The following AMPD3 variants were observed in gnomAD, a reference collection of about 807,000 sequenced individuals.
AMPD3 encodes adenosine monophosphate deaminase 3.
AMPD3 carries 57 observed loss-of-function variants against 82.3 expected under a neutral mutation model. That is an observed-to-expected ratio of 0.69 (90% confidence interval 0.56 to 0.86). The LOEUF is 0.86. Ranked by LOEUF, AMPD3 falls within the 40% of genes least tolerant of loss-of-function variation. AMPD3 has a pLI of 0.00. For missense variants in AMPD3, 870 were observed against 1,003.8 expected (o/e 0.87, Z 1.80); for synonymous variants, 381 against 394.7 (o/e 0.97, Z 0.41).
At chr11:10,464,367 T>C (rs897256449) in intron 2 of AMPD3, among the ~76,000 whole-genome samples, 1 of 152,180 alleles carries the variant, frequency 6.6e-6, no homozygotes, top group Non-Finnish European at 1.5e-5. Context: ...AGAAGTTGAA[T>C]TTACTTTCAC....
intron 2 of AMPD3, among the ~76,000 whole-genome samples, chr11:10,462,235 C>A (rs1208766760): frequency 6.6e-6 from 1 of 152,076 alleles, no homozygotes; most frequent in East Asian, 1.9e-4. Context: ...CAGTCAGGGT[C>A]CAACTAGAAG....
intron 2 of AMPD3, among the ~76,000 whole-genome samples, chr11:10,463,108 A>G (rs897588374): frequency 2.0e-5 from 3 of 152,166 alleles, no homozygotes; most frequent in Admixed American, 6.6e-5. Flanking sequence ...GCAAACATCA[A>G]TAGTTGACAT....
At chr11:10,502,108 G>A in intron 12 of AMPD3, 1 of 985,416 alleles carries the variant, frequency 1.0e-6, no homozygotes, top group South Asian at 4.7e-5. Flanking sequence ...CTTGAGCTCT[G>A]TGCATACAGT....
chr11:10,451,165 G>A (rs1847953118), upstream of AMPD3: 8 of 1,494,154 alleles, frequency 5.4e-6, no homozygotes, highest in Admixed American at 1.7e-4. Context: ...GCTCGCAGAG[G>A]CGGTGGCGCT....
At chr11:10,498,844 T>C (rs763543968) in intron 10 of AMPD3, among the ~76,000 whole-genome samples, 3 of 152,154 alleles carry the variant, frequency 2.0e-5, no homozygotes, top group Middle Eastern at 3.2e-3. Context: ...CGTGGCCTGG[T>C]AGCAAGCCTC....
chr11:10,461,854 G>T, intron 2 of AMPD3, 114 bp downstream of exon 2: 1 of 1,035,828 alleles, frequency 9.7e-7, no homozygotes. Flanking sequence ...CCCTAGAGCT[G>T]TGTTGGTTCC....
chr11:10,495,661 T>C lies in AMPD3; in HGVS notation c.1358T>C (p.Leu453Pro), dbSNP rs1366919341. ...YGRSPEEWPN[L>P]AYWFIQHKVY... ...CGCAGTCCTGAGGAGTGGCCCAACC[T>C]GGCCTACTGGTTCATCCAGCACAAG... Residue 453 changes from leucine (L) to proline (P), a missense_variant, in exon 9 of 15, where the codon CTG (leucine) becomes CCG (proline). By Grantham distance (98) the Leu-to-Pro change is moderately conservative. Coordinates refer to ENST00000396553, the MANE Select transcript of AMPD3 (RefSeq NM_001025389.2). 1 of 1,613,984 alleles carries C rather than the reference T, an allele frequency of 6.2e-7. No individual in the cohort carries two copies. The highest frequency in any genetic ancestry group is 8.5e-7 in the Non-Finnish European group (1 of 1,180,024).
At chr11:10,472,729 C>T (rs981910225) in intron 2 of AMPD3, among the ~76,000 whole-genome samples, 1 of 152,090 alleles carries the variant, frequency 6.6e-6, no homozygotes, top group Non-Finnish European at 1.5e-5. Context: ...TTGGGCTGGG[C>T]GCGGTGGCTC....
At position 10,456,401 on chromosome 11, in the gene AMPD3, A is replaced by G; in HGVS notation, c.-6+953A>G. On this transcript the variant is annotated intron_variant, in intron 1 of 14. Coordinates refer to ENST00000396553, the MANE Select transcript of AMPD3 (RefSeq NM_001025389.2). This position sits in a 1 kb window ranked among gnomAD's most constrained non-coding sequence, Gnocchi z 4.3. ...CAGGACCAGTCATGGAGCCAGGCTC[A>G]GGTCTGTGTCGGGGCTTCTGCAAGG... 1 of 1,613,780 alleles carries G rather than the reference A, an allele frequency of 6.2e-7. No individual in the cohort carries two copies. Among genetic ancestry groups the G allele is most frequent in the Non-Finnish European group, 8.5e-7 (1 of 1,179,696 alleles).
chr11:10,468,174 C>A (rs540103511), intron 2 of AMPD3, among the ~76,000 whole-genome samples: 27 of 152,148 alleles, frequency 1.8e-4, no homozygotes, highest in Non-Finnish European at 2.9e-4. Context: ...ACAATATTAG[C>A]CTTAAATGTA....
At chr11:10,490,333 T>C (rs1849205035) in intron 6 of AMPD3, 1 of 211,732 alleles carries the variant, frequency 4.7e-6, no homozygotes, top group African/African-American at 2.4e-5. Flanking sequence ...GGTTTAAGTG[T>C]CATATTAAGA....
chr11:10,490,626 G>A, intron 6 of AMPD3: 1 of 985,410 alleles, frequency 1.0e-6, no homozygotes, highest in African/African-American at 1.7e-5. Flanking sequence ...GAGTTCTGAA[G>A]TTTGGATGGG....
At chr11:10,498,756 G>A (rs573250032) in intron 10 of AMPD3, among the ~76,000 whole-genome samples, 2 of 152,348 alleles carry the variant, frequency 1.3e-5, no homozygotes, top group Admixed American at 1.3e-4. Context: ...GAGCCCTCCA[G>A]TTTGGGCCAG....
In AMPD3 at chr11:10,501,502, CG is replaced by C; in HGVS notation, c.1755del (p.His586ThrfsTer63). 1 of 1,614,134 alleles carries C rather than the reference CG, an allele frequency of 6.2e-7. No individual in the cohort carries two copies. Among genetic ancestry groups the C allele is most frequent in the African/African-American group, 1.3e-5 (1 of 75,034 alleles). On this transcript the variant is annotated frameshift_variant, in exon 12 of 15. Coordinates refer to ENST00000396553, the MANE Select transcript of AMPD3 (RefSeq NM_001025389.2). LOFTEE classifies it high-confidence loss of function. ...ERGLSTFLFR[P>X]HCGEAGSITH... ...GGCCTGAGCACGTTCCTGTTCCGGC[CG>C]CACTGTGGGGAAGCCGGCTCCATCA... is the stretch of plus-strand genomic sequence containing the variant.
intron 6 of AMPD3, among the ~76,000 whole-genome samples, chr11:10,492,168 T>C (rs1849258063): frequency 6.6e-6 from 1 of 152,244 alleles, no homozygotes; most frequent in Non-Finnish European, 1.5e-5. Context: ...TTTTGAGACC[T>C]TGCTGGGCTC....
At chr11:10,490,889 G>A (rs1239238289) in intron 6 of AMPD3, among the ~76,000 whole-genome samples, 1 of 152,170 alleles carries the variant, frequency 6.6e-6, no homozygotes, top group Non-Finnish European at 1.5e-5. Flanking sequence ...GGATGTTTTA[G>A]TTTTCTGCTT....
upstream of AMPD3, chr11:10,451,099 G>GC: frequency 6.5e-7 from 1 of 1,545,732 alleles, no homozygotes; most frequent in Non-Finnish European, 8.7e-7. Flanking sequence ...GGACCCTGCG[G>GC]CCCAGGCGGG....
At chr11:10,491,235 G>A (rs1849232597) in intron 6 of AMPD3, among the ~76,000 whole-genome samples, 1 of 152,152 alleles carries the variant, frequency 6.6e-6, no homozygotes, top group Non-Finnish European at 1.5e-5. Context: ...AGCTCCCATA[G>A]GTCCCTTGTG....
At position 10,500,571 on chromosome 11, in the gene AMPD3, C is replaced by T. The variant is rs1849549438; in HGVS notation, c.1721+322C>T. 4 of 979,446 alleles carry T rather than the reference C, an allele frequency of 4.1e-6. No homozygotes were observed. In the South Asian group the frequency reaches 1.9e-4, roughly 46 times the overall value. 60.7% of individuals were successfully genotyped at this position (979,446 alleles called of 1,614,324 possible). ...TATGTACACACACCAGGGCACACTC[C>T]ACGTGTACCTGTACATCCCTGAGAT... On this transcript the variant is annotated intron_variant, in intron 11 of 14. Transcript: ENST00000396553.
Sources: allele counts gnomAD v4.1 joint callset (sites outside exome capture counted in the v4.1 genomes callset), GRCh38; gene constraint gnomAD v4.1.1; non-coding constraint Gnocchi (gnomAD v3.1); transcripts MANE v1.5; gene names NCBI Gene and HGNC (gene_info 2026-07-23, HGNC 2026-07-21).